The following RTEL1 variants were observed in gnomAD, a reference collection of about 807,000 sequenced individuals.
RTEL1 encodes the protein regulator of telomere elongation helicase 1.
A neutral mutation model predicts 162.2 loss-of-function variants in RTEL1; 86 were observed. That is an observed-to-expected ratio of 0.53 (90% CI 0.45 to 0.63). The LOEUF (loss-of-function observed/expected upper bound fraction) is 0.63. RTEL1 is among the 30% of genes least tolerant of loss of function. The probability of loss-of-function intolerance (pLI) is 0.00; values close to 1 mark genes in which losing one functional copy is unlikely to be tolerated. For synonymous variants in RTEL1, 958 were observed against 717.9 expected, an observed-to-expected ratio of 1.33 and a Z score of -5.35; for missense variants, 1,941 against 1,750.2, an observed-to-expected ratio of 1.11 and a Z score of -1.95.
Position 63,661,384 on chromosome 20 carries a change from C to G in RTEL1, c.189C>G (p.Leu63=). ...CCACGCTGGCCTGGCGAGAACACCT[C>G]CGAGACGGCATCTCTGCCCGCAAGA... The part of the protein sequence containing the change: ...LCTTLAWREH[L]RDGISARKIA... Residue 63 remains leucine (L), a synonymous_variant, in exon 3 of 35, where the codon CTC becomes CTG. Coordinates refer to ENST00000360203, the MANE Select transcript of RTEL1 (RefSeq NM_001283009.2). The surrounding 1 kb of genome is among the most constrained non-coding windows in gnomAD (Gnocchi z 5.1). 1 of 1,613,922 alleles carries G rather than the reference C, an allele frequency of 6.2e-7. No individual in the cohort carries two copies. The highest frequency in any genetic ancestry group is 1.1e-5 in the South Asian group (1 of 91,080).
In RTEL1 at chr20:63,667,568, C is replaced by T. The variant is rs1335288987; in HGVS notation, c.699+15C>T. The T allele has an allele frequency of 6.2e-7, 1 of 1,602,442 alleles. No individual in the cohort carries two copies. Among genetic ancestry groups the T allele is most frequent in the South Asian group, 1.1e-5 (1 of 90,836 alleles). On this transcript the variant is annotated intron_variant, in intron 8 of 34. Coordinates refer to ENST00000360203, the MANE Select transcript of RTEL1 (RefSeq NM_001283009.2). ...TGGATGCCAAGGTGGGGGCTCAGTCCTGTAGCTGACGACTCCTGATGTCCA... is the reference window on the plus strand; with the variant it reads ...TGGATGCCAAGGTGGGGGCTCAGTCTTGTAGCTGACGACTCCTGATGTCCA...
chr20:63,688,297 C>A lies in RTEL1; in HGVS notation c.1637-4C>A. On this transcript the variant is annotated splice_polypyrimidine_tract_variant and splice_region_variant and intron_variant, in intron 19 of 34. Coordinates refer to ENST00000360203, the MANE Select transcript of RTEL1 (RefSeq NM_001283009.2). ...TGCCTTGACCCCGGCCCCTGCACTTCCAGGCAACATCGCCCGCGTGGTGCC... is the reference window on the plus strand; with the variant it reads ...TGCCTTGACCCCGGCCCCTGCACTTACAGGCAACATCGCCCGCGTGGTGCC... 6.2e-7 allele frequency: 1 copy of A among 1,612,028 alleles called. No individual in the cohort carries two copies. The highest frequency in any genetic ancestry group is 2.2e-5 in the East Asian group (1 of 44,884).
chr20:63,682,507 G>A (rs888545331), intron 14 of RTEL1: 19 of 985,644 alleles, frequency 1.9e-5, no homozygotes, highest in Non-Finnish European at 2.3e-5. Flanking sequence ...CTCTGGAACC[G>A]AATCCTGCAC....
rs1488683725 is a variant in RTEL1, at chr20:63,695,543, TCAG to T, written c.3719_3721del (p.Ala1240del). ...CACGGGAGCTCCGGGCGGGCCCCTCTCAGCAGGCTGTGTGTGCCAGGGCTGTGG... is the reference window on the plus strand; with the variant it reads ...CACGGGAGCTCCGGGCGGGCCCCTCTCAGGCTGTGTGTGCCAGGGCTGTGG... On this transcript the variant is annotated inframe_deletion, in exon 34 of 35. Coordinates refer to ENST00000360203, the MANE Select transcript of RTEL1 (RefSeq NM_001283009.2). The T allele has an allele frequency of 6.2e-7, 1 of 1,612,208 alleles. No homozygotes were observed. The highest frequency in any genetic ancestry group is 8.5e-7 in the Non-Finnish European group (1 of 1,179,868).
intron 13 of RTEL1, among the ~76,000 whole-genome samples, chr20:63,680,157 C>T (rs1442370164): frequency 2.0e-5 from 3 of 152,194 alleles, no homozygotes; most frequent in Non-Finnish European, 2.9e-5. Context: ...CTGGCGGCTT[C>T]GTCCTACAGC....
intron 12 of RTEL1, among the ~76,000 whole-genome samples, chr20:63,679,647 A>G (rs1013795505): frequency 1.3e-5 from 2 of 152,096 alleles, no homozygotes; most frequent in African/African-American, 4.8e-5. Context: ...CGAGGGAAGG[A>G]AACTTCCACA....
chr20:63,671,791 A>G (rs1318848807), intron 8 of RTEL1, among the ~76,000 whole-genome samples: 1 of 147,772 alleles, frequency 6.8e-6, no homozygotes, highest in Non-Finnish European at 1.5e-5. Context: ...ATGCCCGGCC[A>G]ATGTGTGAAA....
chr20:63,694,312 A>G (rs775053992), intron 30 of RTEL1, 60 bp from the exon 31 acceptor site: 10 of 466,386 alleles, frequency 2.1e-5, no homozygotes, highest in African/African-American at 4.8e-5. Flanking sequence ...CTGCCCCCCC[A>G]CCCCAGGGAA....
chr20:63,681,107 C>A (rs1303766555), intron 14 of RTEL1: 1 of 985,412 alleles, frequency 1.0e-6, no homozygotes, highest in Non-Finnish European at 1.2e-6. Flanking sequence ...ACAGCTTCTC[C>A]AGGGACAGAC....
rs1319765421 is a variant in RTEL1, at chr20:63,695,132, G to A, written c.3410G>A (p.Gly1137Asp). ...RFSQTCTDLT[G>D]RPYPGMEPPG... ...TCACAGACGTGCACAGACCTGACCG[G>A]CCGGCCCTACCCGGGCATGGAGCCA... is the stretch of plus-strand genomic sequence containing the variant. The change falls in exon 33 of 35, where the codon GGC becomes GAC. Residue 1137 changes from glycine (G) to aspartate (D), a missense_variant. Coordinates refer to ENST00000360203, the MANE Select transcript of RTEL1 (RefSeq NM_001283009.2). The A allele has an allele frequency of 1.2e-6, 2 of 1,612,214 alleles. No homozygotes were observed. Among genetic ancestry groups the A allele is most frequent in the Non-Finnish European group, 1.7e-6 (2 of 1,179,860 alleles).
intron 8 of RTEL1, among the ~76,000 whole-genome samples, chr20:63,669,745 G>A (rs1469648494): frequency 3.8e-3 from 96 of 25,022 alleles, no homozygotes; most frequent in Non-Finnish European, 4.8e-3. Context: ...GAGAGCATCC[G>A]GACAGACGTT....
chr20:63,662,252 T>TG, intron 4 of RTEL1: 1 of 630,104 alleles, frequency 1.6e-6, no homozygotes, highest in East Asian at 2.7e-5. Context: ...GCTTTGCACA[T>TG]GAAGTAGGAG....
At chr20:63,689,016 G>T (rs376940536) in intron 21 of RTEL1, 39 bp from the exon 22 acceptor site, 18 of 1,568,700 alleles carry the variant, frequency 1.1e-5, no homozygotes, top group African/African-American at 5.4e-5. Context: ...AGGGGCTGGG[G>T]GGGGGCTCCA....
intron 30 of RTEL1, 149 bp downstream of exon 30, chr20:63,693,432 A>ACCTCCACCTCCACCACCTCCACCT: frequency 3.6e-6 from 3 of 842,046 alleles, no homozygotes; most frequent in Non-Finnish European, 3.6e-6. Flanking sequence ...CTCCACCTCC[A>ACCTCCACCTCCACCACCTCCACCT]CCACCAGCAC....
In RTEL1 at chr20:63,696,185, G is replaced by T; in HGVS notation, c.*327G>T. 1 of 446,652 alleles carries T rather than the reference G, an allele frequency of 2.2e-6. No homozygotes were observed. Among genetic ancestry groups the T allele is most frequent in the East Asian group, 3.7e-5 (1 of 26,926 alleles). 27.7% of individuals were successfully genotyped at this position (446,652 alleles called of 1,614,324 possible). ...CACCGGGAAGGAGGAGACCCCCGTG[G>T]GCACGTGTCCACTTTTAATCAGGGG... On this transcript the variant is annotated 3_prime_UTR_variant, in exon 35 of 35. Transcript: ENST00000360203.
At chr20:63,667,300 A>G (rs2090155827) in intron 7 of RTEL1, among the ~76,000 whole-genome samples, 169 bp from the exon 8 acceptor site, 1 of 151,840 alleles carries the variant, frequency 6.6e-6, no homozygotes, top group Non-Finnish European at 1.5e-5. Flanking sequence ...TGGACTCCCC[A>G]TCCCTTGGTC....
intron 31 of RTEL1, 30 bp from the exon 32 acceptor site, chr20:63,694,711 C>T (rs1387487017): frequency 1.3e-6 from 2 of 1,548,142 alleles, no homozygotes; most frequent in Non-Finnish European, 8.8e-7. Context: ...CACCCCAGCG[C>T]CACTCTGAGC....
chr20:63,689,126 G>T lies in RTEL1; in HGVS notation c.1872G>T (p.Arg624=), dbSNP rs2145425931. 6.2e-7 allele frequency: 1 copy of T among 1,609,134 alleles called. No homozygotes were observed. Residue 624 remains arginine, a synonymous_variant, in exon 22 of 35, where the codon CGG becomes CGT. Coordinates refer to ENST00000360203, the MANE Select transcript of RTEL1 (RefSeq NM_001283009.2). The part of the protein sequence containing the change: ...STGATFLAVC[R]GKASEGLDFS... ...GCGCCACCTTCCTGGCGGTCTGCCG[G>T]GGCAAGGTGAGCTCTCCAGGGCCCT...
chr20:63,694,753 G>A lies in RTEL1; in HGVS notation c.3122G>A (p.Ser1041Asn). 6.2e-7 allele frequency: 1 copy of A among 1,604,432 alleles called. No individual in the cohort carries two copies. Among genetic ancestry groups the A allele is most frequent in the South Asian group, 1.1e-5 (1 of 90,858 alleles). ...PRPPPTGDPG[S>N]QPQWGSGVPR... is the part of the protein sequence containing the mutation. ...ACTCCCACACCAGGAGACCCTGGCA[G>A]CCAACCACAGTGGGGGTCTGGAGTG... Residue 1041 changes from serine to asparagine, a missense_variant, in exon 32 of 35, where the codon AGC becomes AAC. Ser to Asn is a conservative substitution (Grantham distance 46). Coordinates refer to ENST00000360203, the MANE Select transcript of RTEL1 (RefSeq NM_001283009.2).
Sources: allele counts gnomAD v4.1 joint callset (sites outside exome capture counted in the v4.1 genomes callset), GRCh38; gene constraint gnomAD v4.1.1; non-coding constraint Gnocchi (gnomAD v3.1); transcripts MANE v1.5; gene names NCBI Gene and HGNC (gene_info 2026-07-23, HGNC 2026-07-21).